Variants in CELF4 observed in about 807,000 individuals in gnomAD.
CELF4 encodes the protein CUGBP Elav-like family member 4, also known as CUG-BP- and ETR-3-like factor 4.
A neutral mutation model predicts 59.9 loss-of-function variants in CELF4; 18 were observed. That is an observed-to-expected ratio of 0.30 (90% CI 0.21 to 0.45). The LOEUF is 0.45. Among genes scored for constraint, CELF4 ranks in the 20% least tolerant of loss-of-function variants. The probability of loss-of-function intolerance (pLI) is 1.00; values close to 1 mark genes in which losing one functional copy is unlikely to be tolerated. For synonymous variants in CELF4, 261 were observed against 267.1 expected (o/e 0.98, Z 0.22); for missense variants, 456 against 689.0 (o/e 0.66, Z 3.79).
chr18:37,498,230 C>G (rs951633850), intron 1 of CELF4, among the ~76,000 whole-genome samples: 1 of 152,138 alleles, frequency 6.6e-6, no homozygotes, highest in Non-Finnish European at 1.5e-5. Context: ...CAAAGCTCCC[C>G]CAGGTGCCTT....
At chr18:37,301,744 C>A (rs2096055803) in intron 3 of CELF4, among the ~76,000 whole-genome samples, 2 of 152,212 alleles carry the variant, frequency 1.3e-5, no homozygotes, top group Admixed American at 1.3e-4. Flanking sequence ...TTTAAAGAGC[C>A]GGAAGGCCTC....
chr18:37,266,631 T>C, intron 8 of CELF4, 33 bp from the exon 9 acceptor site: 1 of 1,536,876 alleles, frequency 6.5e-7, no homozygotes, highest in South Asian at 1.2e-5. Flanking sequence ...AGGTCAGCAG[T>C]GCCCACCACA....
At chr18:37,427,810 G>A (rs2099623301) in intron 2 of CELF4, among the ~76,000 whole-genome samples, 1 of 152,226 alleles carries the variant, frequency 6.6e-6, no homozygotes, top group Non-Finnish European at 1.5e-5. Context: ...CAGTCCTGCA[G>A]AGTTCTCCAC....
At chr18:37,372,506 T>C (rs2098910697) in intron 2 of CELF4, among the ~76,000 whole-genome samples, 1 of 152,112 alleles carries the variant, frequency 6.6e-6, no homozygotes, top group South Asian at 2.1e-4. Context: ...GCGGGAAGGA[T>C]AGCATTAAGA....
chr18:37,303,924 G>T (rs917609212), intron 3 of CELF4, among the ~76,000 whole-genome samples: 2 of 152,192 alleles, frequency 1.3e-5, no homozygotes, highest in African/African-American at 4.8e-5. Flanking sequence ...GTCCCTGGGG[G>T]TAGCATCATA....
intron 2 of CELF4, among the ~76,000 whole-genome samples, chr18:37,403,860 A>G (rs2099356017): frequency 6.6e-6 from 1 of 152,144 alleles, no homozygotes; most frequent in East Asian, 1.9e-4. Flanking sequence ...AGATGGTCTC[A>G]GCTACACAGA....
At chr18:37,288,384 G>A (rs1168760493) in intron 3 of CELF4, among the ~76,000 whole-genome samples, 1 of 152,190 alleles carries the variant, frequency 6.6e-6, no homozygotes, top group Non-Finnish European at 1.5e-5. Flanking sequence ...CATTCTCTTG[G>A]TCAAAGACCA....
chr18:37,253,999 C>G lies in CELF4; in HGVS notation c.1334-61G>C. On this transcript the variant is annotated intron_variant, in intron 11 of 12. Transcript: ENST00000420428. This position sits in a 1 kb window ranked among gnomAD's most constrained non-coding sequence, Gnocchi z 4.5. Reference sequence around the variant, plus strand: ...ACGGGGCCGCCCGGGGCGCTGCCGGCGGGGAGGGGTCGGGGGACAGGGGGG... The same window carrying G: ...ACGGGGCCGCCCGGGGCGCTGCCGGGGGGGAGGGGTCGGGGGACAGGGGGG... 3.3e-5 allele frequency: 8 copies of G among 242,850 alleles called. No homozygotes were observed. The highest frequency in any genetic ancestry group is 1.2e-4 in the East Asian group (1 of 8,220). 15.0% of individuals were successfully genotyped at this position (242,850 alleles called of 1,614,324 possible).
At chr18:37,380,593 T>TCCATTCATCCA (rs1272579594) in intron 2 of CELF4, among the ~76,000 whole-genome samples, 1 of 152,010 alleles carries the variant, frequency 6.6e-6, no homozygotes, top group African/African-American at 2.4e-5. Flanking sequence ...TATCCATCCA[T>TCCATTCATCCA]CCATTCATCC....
At chr18:37,444,014 A>G (rs1014140680) in intron 2 of CELF4, among the ~76,000 whole-genome samples, 2 of 152,184 alleles carry the variant, frequency 1.3e-5, no homozygotes, top group Non-Finnish European at 2.9e-5. Flanking sequence ...GAATCTCAGC[A>G]CTGCTACGTA....
chr18:37,284,549 C>T (rs888834238), intron 3 of CELF4, among the ~76,000 whole-genome samples: 1 of 152,170 alleles, frequency 6.6e-6, no homozygotes, highest in Non-Finnish European at 1.5e-5. Flanking sequence ...GTCACCCAGG[C>T]CCTACATGAC....
At chr18:37,485,486 G>T in intron 2 of CELF4, 39 bp downstream of exon 2, 2 of 1,261,112 alleles carry the variant, frequency 1.6e-6, no homozygotes, top group East Asian at 3.2e-5. Flanking sequence ...GCCCCCTGTC[G>T]GCGCGTCGGC....
At chr18:37,449,044 C>T (rs969195902) in intron 2 of CELF4, among the ~76,000 whole-genome samples, 11 of 152,208 alleles carry the variant, frequency 7.2e-5, no homozygotes, top group Non-Finnish European at 1.3e-4. Context: ...GGCCAAGAAA[C>T]AATGCCAGGG....
chr18:37,433,552 C>T (rs1849433859), intron 2 of CELF4, among the ~76,000 whole-genome samples: 1 of 152,168 alleles, frequency 6.6e-6, no homozygotes, highest in African/African-American at 2.4e-5. Flanking sequence ...AACATGAGAA[C>T]CATTTTCGTT....
At chr18:37,307,086 G>A (rs1314594232) in intron 3 of CELF4, among the ~76,000 whole-genome samples, 2 of 152,058 alleles carry the variant, frequency 1.3e-5, no homozygotes, top group African/African-American at 2.4e-5. Flanking sequence ...CCCCAGGAGC[G>A]GTGAGGGAAG....
intron 3 of CELF4, among the ~76,000 whole-genome samples, chr18:37,303,860 C>T (rs2096238025): frequency 6.6e-6 from 1 of 152,234 alleles, no homozygotes; most frequent in Non-Finnish European, 1.5e-5. Flanking sequence ...TTTCCAGACA[C>T]TGTCATTCTG....
At chr18:37,522,098 T>C (rs1365392886) in intron 1 of CELF4, among the ~76,000 whole-genome samples, 2 of 152,190 alleles carry the variant, frequency 1.3e-5, no homozygotes, top group African/African-American at 4.8e-5. Flanking sequence ...GCCTTTCTTC[T>C]GGTGGACATG....
At chr18:37,337,059 C>T (rs754798098) in intron 2 of CELF4, among the ~76,000 whole-genome samples, 6 of 152,174 alleles carry the variant, frequency 3.9e-5, no homozygotes, top group African/African-American at 7.2e-5. Flanking sequence ...GTCTGCCTGT[C>T]GACCCTTCCA....
At position 37,368,861 on chromosome 18, in the gene CELF4, A is replaced by G. The variant is rs971743597; in HGVS notation, c.370-46980T>C. 1.4e-4 allele frequency among the ~76,000 whole-genome samples: 21 copies of G among 152,298 alleles called. No homozygotes were observed. The East Asian group carries it at 4.1e-3, about 29-fold the overall frequency. ...GTGGCGGTGCAGGTGGGCATGCACC[A>G]TTTGTGTGCAAACATGAAGACCTGG... On this transcript the variant is annotated intron_variant, in intron 2 of 12. Transcript: ENST00000420428.
Sources: gnomAD v4.1 joint callset for allele counts (sites outside exome capture counted in the v4.1 genomes callset) on GRCh38, gnomAD v4.1.1 for gene constraint, Gnocchi (gnomAD v3.1) non-coding constraint, MANE v1.5 for transcripts, NCBI Gene and HGNC (gene_info 2026-07-23, HGNC 2026-07-21) for gene names.